C12orf56: variants seen among roughly 807,000 people sequenced by gnomAD.
C12orf56 encodes the protein chromosome 12 open reading frame 56.
A neutral mutation model predicts 69.9 loss-of-function variants in C12orf56; 71 were observed. The ratio of observed to expected loss-of-function variants is 1.02; its 90% CI spans 0.84 to 1.24. The LOEUF is 1.24. Ranked by LOEUF, C12orf56 falls within the 50% of genes most tolerant of loss-of-function variation. The pLI is 0.00. For synonymous variants in C12orf56, 276 were observed against 274.1 expected, an observed-to-expected ratio of 1.01 and a Z score of -0.07; for missense variants, 732 against 738.5, an observed-to-expected ratio of 0.99 and a Z score of 0.10.
intron 1 of C12orf56, among the ~76,000 whole-genome samples, chr12:64,387,974 G>GT (rs1432210541): frequency 6.6e-6 from 1 of 151,808 alleles, no homozygotes; most frequent in African/African-American, 2.4e-5. Flanking sequence ...AGCGTTCAAA[G>GT]TTTTTTGTTT....
Position 64,313,274 on chromosome 12 carries a change from A to AAAAAGAAAG in C12orf56, c.895-523_895-522insCTTTCTTTT, listed in dbSNP as rs762664621. ...GAGACTCTGTCTCAAAAAAAAAAAA[A>AAAAAGAAAG]AAAGAAAGAAAGAAAGAAAGAAAGA... On this transcript the variant is annotated intron_variant, in intron 4 of 12. Coordinates refer to ENST00000543942, the MANE Select transcript of C12orf56 (RefSeq NM_001170633.2). 9.3e-3 allele frequency among the ~76,000 whole-genome samples: 759 copies of AAAAAGAAAG among 81,416 alleles called. 9 individuals are homozygous for AAAAAGAAAG. The highest frequency in any genetic ancestry group is 0.056 in the East Asian group (139 of 2,498). 53.4% of individuals were successfully genotyped at this position (81,416 alleles called of 152,430 possible). A position where few individuals can be genotyped will look rare whatever the true frequency, so the allele number is the denominator to read the frequency against.
intron 1 of C12orf56, among the ~76,000 whole-genome samples, chr12:64,370,146 A>G (rs1174349378): frequency 6.6e-6 from 1 of 151,878 alleles, no homozygotes; most frequent in East Asian, 1.9e-4. Context: ...GTAGTTTCAG[A>G]CCAGCCTGGC....
chr12:64,323,957 C>T (rs1472659485), intron 3 of C12orf56, among the ~76,000 whole-genome samples: 3 of 152,164 alleles, frequency 2.0e-5, no homozygotes, highest in African/African-American at 4.8e-5. Context: ...TAGAACTGCC[C>T]CTCCTTCAAT....
At chr12:64,384,781 C>T (rs563605704) in intron 1 of C12orf56, among the ~76,000 whole-genome samples, 8 of 152,100 alleles carry the variant, frequency 5.3e-5, no homozygotes, top group Non-Finnish European at 1.2e-4. Flanking sequence ...CAGCTGGGCA[C>T]GGTGGCTCAT....
At chr12:64,337,854 CA>C (rs748434656) in intron 2 of C12orf56, among the ~76,000 whole-genome samples, 2,340 of 90,706 alleles carry the variant, frequency 0.026, 56 homozygotes, top group African/African-American at 0.09. Context: ...AAAATTCTGT[CA>C]AAAAAAAAAA....
At chr12:64,365,626 A>C (rs923484471) in intron 1 of C12orf56, among the ~76,000 whole-genome samples, 2 of 149,696 alleles carry the variant, frequency 1.3e-5, no homozygotes, top group Non-Finnish European at 3.0e-5. Flanking sequence ...ACAGCAGGGC[A>C]TGGTGGCTCA....
chr12:64,345,844 A>G (rs2039133949), intron 2 of C12orf56, among the ~76,000 whole-genome samples: 1 of 152,208 alleles, frequency 6.6e-6, no homozygotes, highest in Non-Finnish European at 1.5e-5. Context: ...TAGAGTCACT[A>G]AACTCCTTGT....
At chr12:64,382,352 C>T (rs1385802945) in intron 1 of C12orf56, among the ~76,000 whole-genome samples, 4 of 151,614 alleles carry the variant, frequency 2.6e-5, no homozygotes, top group African/African-American at 9.7e-5. Context: ...TATTTTCTTT[C>T]CAAATTTGCT....
chr12:64,363,391 T>C (rs1312147150), intron 1 of C12orf56, among the ~76,000 whole-genome samples: 3 of 152,068 alleles, frequency 2.0e-5, no homozygotes, highest in South Asian at 4.1e-4. Context: ...TTCAGCAGGG[T>C]TGGGTTGTTT....
At chr12:64,337,050 T>C (rs1362693145) in intron 2 of C12orf56, among the ~76,000 whole-genome samples, 1 of 152,208 alleles carries the variant, frequency 6.6e-6, no homozygotes, top group Non-Finnish European at 1.5e-5. Context: ...GATTCAAACC[T>C]GGGCTTAGTG....
chr12:64,371,891 T>G (rs933720134), intron 1 of C12orf56, among the ~76,000 whole-genome samples: 3 of 150,164 alleles, frequency 2.0e-5, no homozygotes, highest in Non-Finnish European at 4.4e-5. Flanking sequence ...ATATTGGTCT[T>G]GGCAATGATT....
intron 2 of C12orf56, among the ~76,000 whole-genome samples, chr12:64,341,837 C>A (rs1347551122): frequency 6.6e-6 from 1 of 152,140 alleles, no homozygotes; most frequent in Non-Finnish European, 1.5e-5. Context: ...CTTCTGCTGG[C>A]AAATTGGGCA....
chr12:64,375,878 C>T (rs1188204533), intron 1 of C12orf56, among the ~76,000 whole-genome samples: 2 of 152,160 alleles, frequency 1.3e-5, no homozygotes, highest in Non-Finnish European at 2.9e-5. Context: ...ATACTACAAT[C>T]AGCGACAACC....
chr12:64,338,784 T>C, intron 2 of C12orf56: 1 of 1,334,760 alleles, frequency 7.5e-7, no homozygotes, highest in South Asian at 1.2e-5. Context: ...TCAGCATTGC[T>C]GAGAGCCATG....
chr12:64,367,304 T>TATATATAATATATAGTTTATATA lies in C12orf56; in HGVS notation c.253-14249_253-14248insTATATAAACTATATATTATATAT, dbSNP rs1565777896. Among the ~76,000 whole-genome samples, 203 of 141,812 alleles carry TATATATAATATATAGTTTATATA rather than the reference T, an allele frequency of 1.4e-3. 2 individuals carry two copies. Among genetic ancestry groups the TATATATAATATATAGTTTATATA allele is most frequent in the African/African-American group, 5.1e-3 (195 of 38,444 alleles). The allele number at this position is 141,812 out of a possible 152,430, so 93.0% of individuals were successfully genotyped here. On this transcript the variant is annotated intron_variant, in intron 1 of 12. Transcript: ENST00000543942. ...TATATATAATATACAGTTTATATATTATATATAATATATAGCTTATATAAT... is the reference window on the plus strand; with the variant it reads ...TATATATAATATACAGTTTATATATTATATATAATATATAGTTTATATAATATATAATATATAGCTTATATAAT...
intron 1 of C12orf56, among the ~76,000 whole-genome samples, chr12:64,358,416 C>A (rs2039350227): frequency 1.3e-5 from 2 of 150,816 alleles, no homozygotes; most frequent in African/African-American, 4.9e-5. Flanking sequence ...TGAGATCATG[C>A]CACTGCAATC....
chr12:64,351,753 A>T (rs1265320577), intron 2 of C12orf56, among the ~76,000 whole-genome samples: 1 of 151,976 alleles, frequency 6.6e-6, no homozygotes, highest in Non-Finnish European at 1.5e-5. Flanking sequence ...ATTCGCTAGG[A>T]AGAGATGGGA....
intron 3 of C12orf56, among the ~76,000 whole-genome samples, chr12:64,327,435 T>C (rs1265304067): frequency 6.6e-6 from 1 of 152,220 alleles, no homozygotes; most frequent in Non-Finnish European, 1.5e-5. Flanking sequence ...AATCTGCACG[T>C]CCTGCATATG....
chr12:64,321,587 G>A (rs759624512), intron 3 of C12orf56, among the ~76,000 whole-genome samples: 17 of 152,096 alleles, frequency 1.1e-4, no homozygotes, highest in Admixed American at 5.9e-4. Flanking sequence ...ACCTGTCTCC[G>A]CCTCCCAAAG....
Sources: allele counts gnomAD v4.1 joint callset (sites outside exome capture counted in the v4.1 genomes callset), GRCh38; gene constraint gnomAD v4.1.1; transcripts MANE v1.5; gene names NCBI Gene and HGNC (gene_info 2026-07-23, HGNC 2026-07-21).